The following NSUN6 variants were observed in gnomAD, a reference collection of about 807,000 sequenced individuals.
NSUN6 encodes NOP2/Sun RNA methyltransferase 6, also known as tRNA (cytosine(72)-C(5))-methyltransferase NSUN6.
In NSUN6, 64 loss-of-function variants were observed where a neutral mutation model predicts 58.0. The observed-to-expected ratio is 1.10, with a 90% CI of 0.90 to 1.36. NSUN6 has a LOEUF of 1.36. NSUN6 is among the 40% of genes most tolerant of loss of function. The pLI is 0.00. For missense variants in NSUN6, 701 were observed against 550.1 expected (o/e 1.27, Z -2.74); for synonymous variants, 231 against 193.9 (o/e 1.19, Z -1.59).
At chr10:18,615,364 C>T (rs1009452590) in intron 4 of NSUN6, among the ~76,000 whole-genome samples, 4 of 152,082 alleles carry the variant, frequency 2.6e-5, no homozygotes, top group East Asian at 1.9e-4. Flanking sequence ...ACAACAATAG[C>T]GAACAGCCTA....
intron 8 of NSUN6, among the ~76,000 whole-genome samples, chr10:18,556,624 C>CATGGAATGGAGA (rs2055045175): frequency 7.1e-6 from 1 of 141,278 alleles, no homozygotes; most frequent in African/African-American, 2.6e-5. Context: ...ATGGAATGGA[C>CATGGAATGGAGA]ATGGAATGGA....
chr10:18,646,012 T>TG (rs2059534881), intron 2 of NSUN6, among the ~76,000 whole-genome samples: 1 of 152,062 alleles, frequency 6.6e-6, no homozygotes, highest in Non-Finnish European at 1.5e-5. Flanking sequence ...CTGGCCAACA[T>TG]GGTGAAATCC....
At chr10:18,584,787 A>G (rs1490659188) in intron 8 of NSUN6, among the ~76,000 whole-genome samples, 2 of 152,124 alleles carry the variant, frequency 1.3e-5, no homozygotes, top group East Asian at 3.8e-4. Context: ...GAAGCAAGAG[A>G]AAAACAACTT....
intron 6 of NSUN6, among the ~76,000 whole-genome samples, chr10:18,600,502 A>G (rs2057762573): frequency 6.6e-6 from 1 of 152,052 alleles, no homozygotes; most frequent in Admixed American, 6.6e-5. Context: ...CTGTGTACCT[A>G]TAGTACCAGC....
chr10:18,568,934 T>C lies in NSUN6; in HGVS notation c.923-16963A>G, dbSNP rs1247485754. Among the ~76,000 whole-genome samples the C allele has an allele frequency of 2.6e-5, 4 of 151,088 alleles. No homozygotes were observed. In the Admixed American group the frequency reaches 2.7e-4, roughly 10 times the overall value. ...CCATTCCATTCCATTCTCCATTTGG[T>C]TCTCCATTCCATTCCAATCCATTCT... On this transcript the variant is annotated intron_variant, in intron 8 of 10. Coordinates refer to ENST00000377304, the MANE Select transcript of NSUN6 (RefSeq NM_182543.5).
chr10:18,657,225 T>C (rs1031830371), upstream of NSUN6, among the ~76,000 whole-genome samples: 5 of 152,236 alleles, frequency 3.3e-5, no homozygotes, highest in African/African-American at 7.2e-5. Flanking sequence ...ATCAATCATA[T>C]TACTTTTGAT....
intron 6 of NSUN6, among the ~76,000 whole-genome samples, chr10:18,608,638 CAAA>C (rs5783614): frequency 9.3e-6 from 1 of 107,592 alleles, no homozygotes; most frequent in Non-Finnish European, 1.8e-5. Context: ...GATCCTGTCT[CAAA>C]AAAAAAAAAA....
chr10:18,590,777 A>G (rs2057349651), intron 7 of NSUN6, among the ~76,000 whole-genome samples: 1 of 152,222 alleles, frequency 6.6e-6, no homozygotes, highest in Non-Finnish European at 1.5e-5. Flanking sequence ...GGAAATTTAT[A>G]GCACTAAATG....
Position 18,611,744 on chromosome 10 carries a change from GTGTGTC to G in NSUN6, c.576-1824_576-1819del, listed in dbSNP as rs1444374893. 2.5e-3 allele frequency among the ~76,000 whole-genome samples: 351 copies of G among 141,136 alleles called. 1 individual carries two copies. Among genetic ancestry groups the G allele is most frequent in the African/African-American group, 8.7e-3 (329 of 37,814 alleles). 92.6% of individuals were successfully genotyped at this position (141,136 alleles called of 152,430 possible). A position where few individuals can be genotyped will look rare whatever the true frequency, so the allele number is the denominator to read the frequency against. On this transcript the variant is annotated intron_variant, in intron 5 of 10. Coordinates refer to ENST00000377304, the MANE Select transcript of NSUN6 (RefSeq NM_182543.5). ...CTATGGTGTGTGTGTGTGTGTGTGT[GTGTGTC>G]TGTGTGTGTACAGTCTCACTATGTT...
intron 8 of NSUN6, among the ~76,000 whole-genome samples, chr10:18,563,524 T>G (rs115964274): frequency 0.014 from 2,169 of 150,616 alleles, 50 homozygotes; most frequent in African/African-American, 0.05. Context: ...TGGGATAGAA[T>G]GGAGAGTGGA....
chr10:18,582,842 G>A (rs941212463), intron 8 of NSUN6, among the ~76,000 whole-genome samples: 80 of 152,132 alleles, frequency 5.3e-4, no homozygotes, highest in African/African-American at 1.9e-3. Flanking sequence ...CATGCTGAAG[G>A]AATACAGTTT....
intron 6 of NSUN6, 139 bp from the exon 7 acceptor site, chr10:18,596,466 T>C (rs1044768410): frequency 5.2e-6 from 3 of 574,336 alleles, no homozygotes; most frequent in Admixed American, 3.3e-5. Context: ...TTTATAAATA[T>C]ACTCAGGTTA....
At chr10:18,572,347 T>A (rs1199782076) in intron 8 of NSUN6, among the ~76,000 whole-genome samples, 1 of 151,326 alleles carries the variant, frequency 6.6e-6, no homozygotes, top group African/African-American at 2.4e-5. Flanking sequence ...TCCATTCCAA[T>A]CCACATTCCA....
At chr10:18,645,914 G>A (rs1011889288) in intron 2 of NSUN6, among the ~76,000 whole-genome samples, 13 of 152,262 alleles carry the variant, frequency 8.5e-5, no homozygotes, top group South Asian at 6.2e-4. Context: ...GGCCAGGCAC[G>A]GAGATATATG....
chr10:18,609,663 T>C (rs1033074555), intron 6 of NSUN6, among the ~76,000 whole-genome samples, 182 bp downstream of exon 6: 2 of 152,038 alleles, frequency 1.3e-5, no homozygotes, highest in Admixed American at 1.3e-4. Flanking sequence ...AAAAATCAAA[T>C]GAGAAAAAGA....
At chr10:18,589,353 T>C (rs2057293860) in intron 7 of NSUN6, among the ~76,000 whole-genome samples, 1 of 152,098 alleles carries the variant, frequency 6.6e-6, no homozygotes, top group Non-Finnish European at 1.5e-5. Flanking sequence ...CTTTAGGATA[T>C]CATCCAGAAG....
chr10:18,651,895 A>T, upstream of NSUN6: 2 of 985,390 alleles, frequency 2.0e-6, no homozygotes, highest in Non-Finnish European at 2.4e-6. Context: ...TGAGTGGAAG[A>T]TGTTGCTGGA....
At chr10:18,603,998 A>G (rs1327785597) in intron 6 of NSUN6, among the ~76,000 whole-genome samples, 2 of 152,068 alleles carry the variant, frequency 1.3e-5, no homozygotes, top group African/African-American at 4.8e-5. Flanking sequence ...CCTGGCCAAC[A>G]TGGTGAAACC....
intron 3 of NSUN6, among the ~76,000 whole-genome samples, chr10:18,638,175 G>A (rs2059278646): frequency 6.6e-6 from 1 of 152,160 alleles, no homozygotes; most frequent in South Asian, 2.1e-4. Context: ...AGGTGAGGTG[G>A]CTCACACCTG....
Sources: gnomAD v4.1 joint callset for allele counts (sites outside exome capture counted in the v4.1 genomes callset) on GRCh38, gnomAD v4.1.1 for gene constraint, MANE v1.5 for transcripts, NCBI Gene and HGNC (gene_info 2026-07-23, HGNC 2026-07-21) for gene names.